Variants in SLAMF9 observed in about 807,000 individuals in gnomAD.
SLAMF9 encodes SLAM family member 9.
In SLAMF9, 25 loss-of-function variants were observed where a neutral mutation model predicts 30.4. The observed-to-expected ratio is 0.82, with a 90% CI of 0.60 to 1.15. SLAMF9 has a LOEUF of 1.15. Ranked by LOEUF, SLAMF9 falls within the 50% of genes most tolerant of loss-of-function variation. The pLI is 0.00. For synonymous variants in SLAMF9, 129 were observed against 127.2 expected (o/e 1.01, Z -0.09); for missense variants, 344 against 346.1 (o/e 0.99, Z 0.05).
At chr1:159,956,874 C>G (rs866369143), upstream of SLAMF9, among the ~76,000 whole-genome samples, 2 of 151,984 alleles carry the variant, frequency 1.3e-5, no homozygotes, top group Admixed American at 6.5e-5. Flanking sequence ...AATCCCAGCA[C>G]TTTGGGAGGC....
At chr1:159,963,904 C>T in the SLAMF9 span, among the ~76,000 whole-genome samples, 1 of 152,056 alleles carries the variant, frequency 6.6e-6, no homozygotes, top group Non-Finnish European at 1.5e-5. Context: ...ACTAAATATA[C>T]AAAAAATTAG....
chr1:159,960,516 A>G, the SLAMF9 span, among the ~76,000 whole-genome samples: 1 of 142,234 alleles, frequency 7.0e-6, no homozygotes, highest in Admixed American at 7.3e-5. Flanking sequence ...CCAAGGCTTC[A>G]GTGCAGTGGT....
At chr1:159,976,970 G>GAA in the SLAMF9 span, 2 of 34,152 alleles carry the variant, frequency 5.9e-5, 1 homozygote, top group African/African-American at 1.3e-4. Flanking sequence ...GAGAAAGAAA[G>GAA]AAGGAAAGAA....
At chr1:159,955,583 G>A (rs547370583), upstream of SLAMF9, among the ~76,000 whole-genome samples, 1 of 152,344 alleles carries the variant, frequency 6.6e-6, no homozygotes, top group Non-Finnish European at 1.5e-5. Flanking sequence ...TCCATACACT[G>A]TCTTAAGTGC....
chr1:159,964,729 A>T, the SLAMF9 span, among the ~76,000 whole-genome samples: 1 of 152,220 alleles, frequency 6.6e-6, no homozygotes, highest in Admixed American at 6.5e-5. Flanking sequence ...GCAGGATTTT[A>T]CTTGATTAAA....
At chr1:159,967,985 G>A in the SLAMF9 span, among the ~76,000 whole-genome samples, 1 of 152,086 alleles carries the variant, frequency 6.6e-6, no homozygotes, top group African/African-American at 2.4e-5. Context: ...TTGTTTATCA[G>A]TTCTAAGGGT....
At chr1:159,968,000 G>T in the SLAMF9 span, among the ~76,000 whole-genome samples, 2 of 152,022 alleles carry the variant, frequency 1.3e-5, no homozygotes, top group Admixed American at 6.6e-5. Context: ...AAGGGTTTTT[G>T]ATTTTTAGAG....
chr1:159,955,862 A>AT (rs1270113894), upstream of SLAMF9, among the ~76,000 whole-genome samples: 3 of 152,250 alleles, frequency 2.0e-5, no homozygotes, highest in African/African-American at 7.2e-5. Context: ...TAGTTCTTAA[A>AT]TTTCAATTTA....
chr1:159,973,052 G>A, the SLAMF9 span: 4 of 1,436,232 alleles, frequency 2.8e-6, no homozygotes, highest in South Asian at 1.6e-5. Flanking sequence ...CACCCTCGGG[G>A]GCCGCCTCAC....
chr1:159,966,940 T>G, the SLAMF9 span, among the ~76,000 whole-genome samples: 7 of 152,136 alleles, frequency 4.6e-5, no homozygotes, highest in Non-Finnish European at 7.4e-5. Context: ...TTTGTTTTTT[T>G]GTTTGTTTTT....
chr1:159,970,554 C>T, the SLAMF9 span, among the ~76,000 whole-genome samples: 16 of 152,224 alleles, frequency 1.1e-4, no homozygotes, highest in African/African-American at 3.6e-4. Context: ...TGTAGCCCTC[C>T]CATAGCCATG....
chr1:159,969,540 A>G, the SLAMF9 span, among the ~76,000 whole-genome samples: 1 of 152,212 alleles, frequency 6.6e-6, no homozygotes, highest in Admixed American at 6.5e-5. Flanking sequence ...TAAGGGTTCT[A>G]GGGAGCCCCT....
chr1:159,953,035 G>A (rs1651813735), intron 2 of SLAMF9, among the ~76,000 whole-genome samples: 1 of 152,188 alleles, frequency 6.6e-6, no homozygotes, highest in Admixed American at 6.5e-5. Flanking sequence ...TTCACTGGAA[G>A]AGAAAAGCCC....
At chr1:159,983,468 C>T in the SLAMF9 span, 9 of 152,104 alleles carry the variant, frequency 5.9e-5, no homozygotes, top group African/African-American at 7.2e-5. Context: ...CAAATTCCCC[C>T]GAGGAGTGGA....
In SLAMF9 at chr1:159,953,385, T is replaced by C; in HGVS notation, c.315A>G (p.Ser105=). 6.2e-7 allele frequency: 1 copy of C among 1,614,190 alleles called. No homozygotes were observed. ...LHISNLSWED[S]GLYQAQVNLR... is the part of the protein sequence containing the mutation. ...GGTTGACTTGAGCTTGGTAAAGCCC[T>C]GAATCCTCCCAGCTCAGATTGCTGA... is the stretch of plus-strand genomic sequence containing the variant. Residue 105 remains serine (S), a synonymous_variant, in exon 2 of 4, where the codon TCA becomes TCG. Coordinates refer to ENST00000368093, the MANE Select transcript of SLAMF9 (RefSeq NM_033438.4).
chr1:159,957,116 T>C (rs1210360742), upstream of SLAMF9, among the ~76,000 whole-genome samples: 11 of 75,726 alleles, frequency 1.5e-4, no homozygotes, highest in South Asian at 1.2e-3. Context: ...AGCGAGACTC[T>C]GTCTCAAAAA....
chr1:159,976,874 T>C, the SLAMF9 span: 1 of 126,482 alleles, frequency 7.9e-6, no homozygotes, highest in Middle Eastern at 5.5e-3. Flanking sequence ...GAGACCCCCA[T>C]CTCTCTAAAA....
At chr1:159,958,670 G>A (rs1022321053), upstream of SLAMF9, among the ~76,000 whole-genome samples, 1 of 152,000 alleles carries the variant, frequency 6.6e-6, no homozygotes, top group Non-Finnish European at 1.5e-5. Flanking sequence ...TGGCTATGTT[G>A]CCCAAGCTGG....
At chr1:159,958,051 G>A (rs747924822), upstream of SLAMF9, among the ~76,000 whole-genome samples, 8 of 152,340 alleles carry the variant, frequency 5.3e-5, no homozygotes, top group South Asian at 8.3e-4. Flanking sequence ...CCGACTGCCC[G>A]TTAGAGAAGG....
Sources: gnomAD v4.1 joint callset for allele counts (sites outside exome capture counted in the v4.1 genomes callset) on GRCh38, gnomAD v4.1.1 for gene constraint, MANE v1.5 for transcripts, NCBI Gene and HGNC (gene_info 2026-07-23, HGNC 2026-07-21) for gene names.